LHFPL3: variants seen among roughly 807,000 people sequenced by gnomAD.
The protein encoded by LHFPL3 is LHFPL tetraspan subfamily member 3 protein.
A neutral mutation model predicts 19.3 loss-of-function variants in LHFPL3; 5 were observed. That is an observed-to-expected ratio of 0.26 (90% CI 0.14 to 0.54). LHFPL3 has a LOEUF of 0.54. Among genes scored for constraint, LHFPL3 ranks in the 20% least tolerant of loss-of-function variants. The pLI is 0.94. For missense variants in LHFPL3, 249 were observed against 307.4 expected (o/e 0.81, Z 1.42); for synonymous variants, 133 against 126.2 (o/e 1.05, Z -0.36).
chr7:104,695,699 A>G (rs1792984701), intron 1 of LHFPL3, among the ~76,000 whole-genome samples: 1 of 152,186 alleles, frequency 6.6e-6, no homozygotes, highest in African/African-American at 2.4e-5. Context: ...GAAAATTACC[A>G]CCTACCCAAG....
chr7:104,787,700 G>A (rs949164727), intron 2 of LHFPL3, among the ~76,000 whole-genome samples: 4 of 152,070 alleles, frequency 2.6e-5, no homozygotes, highest in African/African-American at 7.2e-5. Context: ...ACAGGTGCAC[G>A]CCACCATACC....
chr7:104,630,157 T>A (rs1292882035), intron 1 of LHFPL3, among the ~76,000 whole-genome samples: 1 of 152,170 alleles, frequency 6.6e-6, no homozygotes, highest in Non-Finnish European at 1.5e-5. Context: ...GTCTCAACAG[T>A]CTTATTGAAG....
intron 2 of LHFPL3, among the ~76,000 whole-genome samples, chr7:104,791,119 T>A (rs1790014940): frequency 6.6e-6 from 1 of 152,210 alleles, no homozygotes; most frequent in Admixed American, 6.5e-5. Context: ...TAATTGGAAC[T>A]GTTTTTCTGA....
intron 2 of LHFPL3, among the ~76,000 whole-genome samples, chr7:104,885,580 C>T (rs551407413): frequency 2.0e-5 from 3 of 152,244 alleles, no homozygotes; most frequent in Non-Finnish European, 4.4e-5. Context: ...CTGACTCTGC[C>T]TTAAAAACGC....
rs901431404 is a variant in LHFPL3, at chr7:104,624,985, C to T, written c.446-111690C>T. Among the ~76,000 whole-genome samples, 43 of 152,104 alleles carry T rather than the reference C, an allele frequency of 2.8e-4. 1 individual carries two copies. Among genetic ancestry groups the T allele is most frequent in the African/African-American group, 9.7e-4 (40 of 41,426 alleles). On this transcript the variant is annotated intron_variant, in intron 1 of 2. Transcript: ENST00000424859. ...GATAATAAACATTGTGTTTTTTCAC[C>T]TCCTTAAAGACTATAAAGAAATATT...
chr7:104,484,227 C>T (rs1793194877), intron 1 of LHFPL3, among the ~76,000 whole-genome samples: 1 of 152,086 alleles, frequency 6.6e-6, no homozygotes. Context: ...ATTCGTTTAC[C>T]TGTGGCTCCA....
intron 1 of LHFPL3, among the ~76,000 whole-genome samples, chr7:104,680,350 T>C (rs1365189147): frequency 6.6e-6 from 1 of 152,222 alleles, no homozygotes; most frequent in East Asian, 1.9e-4. Flanking sequence ...TTTTCTCTAC[T>C]TGGATGTCAC....
intron 1 of LHFPL3, among the ~76,000 whole-genome samples, chr7:104,518,205 T>C (rs775490494): frequency 2.0e-5 from 3 of 152,174 alleles, no homozygotes; most frequent in Non-Finnish European, 4.4e-5. Context: ...ATTTGTATAC[T>C]ACTAACAGTA....
At chr7:104,598,306 C>A (rs1167849321) in intron 1 of LHFPL3, among the ~76,000 whole-genome samples, 1 of 152,136 alleles carries the variant, frequency 6.6e-6, no homozygotes, top group African/African-American at 2.4e-5. Context: ...CAAGGGGCAC[C>A]AAAACTATTG....
At chr7:104,713,182 G>C (rs1379407433) in intron 1 of LHFPL3, among the ~76,000 whole-genome samples, 1 of 152,084 alleles carries the variant, frequency 6.6e-6, no homozygotes, top group Non-Finnish European at 1.5e-5. Flanking sequence ...TGAGCAAATA[G>C]GTACTAATAT....
At chr7:104,597,386 C>T (rs756163008) in intron 1 of LHFPL3, among the ~76,000 whole-genome samples, 1 of 152,160 alleles carries the variant, frequency 6.6e-6, no homozygotes, top group Non-Finnish European at 1.5e-5. Context: ...TCATTAAGTG[C>T]TTTAGCTAAG....
chr7:104,809,049 C>A (rs1270522721), intron 2 of LHFPL3, among the ~76,000 whole-genome samples: 1 of 152,064 alleles, frequency 6.6e-6, no homozygotes, highest in Non-Finnish European at 1.5e-5. Context: ...GTGGTGCCAC[C>A]AGGCCCAGCT....
Position 104,874,611 on chromosome 7 carries a change from G to A in LHFPL3, c.683-31576G>A, listed in dbSNP as rs191811929. Among the ~76,000 whole-genome samples, 438 of 152,204 alleles carry A rather than the reference G, an allele frequency of 2.9e-3. 2 individuals carry two copies. The highest frequency in any genetic ancestry group is 0.01 in the African/African-American group (419 of 41,538). ...ATTTTTAGAGACAGGGTTTCATCAT[G>A]TTGGCCAGGCTGGTCTTGAACTCCT... On this transcript the variant is annotated intron_variant, in intron 2 of 2. Coordinates refer to ENST00000424859, the MANE Select transcript of LHFPL3 (RefSeq NM_199000.3).
intron 1 of LHFPL3, among the ~76,000 whole-genome samples, chr7:104,571,333 G>C (rs1023672204): frequency 1.3e-5 from 2 of 152,048 alleles, no homozygotes; most frequent in African/African-American, 4.8e-5. Flanking sequence ...TCTTTCCTCA[G>C]TCTTCAGTTT....
At chr7:104,802,752 G>A (rs1268175485) in intron 2 of LHFPL3, 1 of 152,202 alleles carries the variant, frequency 6.6e-6, no homozygotes, top group Admixed American at 6.5e-5. Flanking sequence ...CCAGCCTGTA[G>A]ACTGTATCTG....
intron 2 of LHFPL3, among the ~76,000 whole-genome samples, chr7:104,815,607 C>T (rs1175479380): frequency 6.6e-6 from 1 of 152,190 alleles, no homozygotes; most frequent in East Asian, 1.9e-4. Flanking sequence ...CCCAAAGGGA[C>T]AAAGAATTCT....
intron 1 of LHFPL3, among the ~76,000 whole-genome samples, chr7:104,632,817 G>A (rs985556554): frequency 6.6e-6 from 1 of 152,074 alleles, no homozygotes; most frequent in Admixed American, 6.5e-5. Flanking sequence ...CAAAAATACA[G>A]TAATTTTTTG....
intron 2 of LHFPL3, among the ~76,000 whole-genome samples, chr7:104,881,169 C>CAAAAA (rs60361178): frequency 5.5e-5 from 5 of 91,494 alleles, no homozygotes; most frequent in Non-Finnish European, 9.0e-5. Flanking sequence ...GATTCCATCT[C>CAAAAA]AAAAAAAAAA....
chr7:104,562,634 C>T (rs1790031295), intron 1 of LHFPL3, among the ~76,000 whole-genome samples: 3 of 151,864 alleles, frequency 2.0e-5, no homozygotes, highest in Non-Finnish European at 4.4e-5. Flanking sequence ...TGAATGTCCT[C>T]CCATAGCTCA....
Sources: allele counts gnomAD v4.1 joint callset (sites outside exome capture counted in the v4.1 genomes callset), GRCh38; gene constraint gnomAD v4.1.1; transcripts MANE v1.5; gene names NCBI Gene and HGNC (gene_info 2026-07-23, HGNC 2026-07-21).